CCDC171: variants seen among roughly 807,000 people sequenced by gnomAD.
The protein encoded by CCDC171 is coiled-coil domain-containing protein 171.
Under a neutral mutation model 168.2 loss-of-function variants are expected in CCDC171, and 177 were observed. That is an observed-to-expected ratio of 1.05 (90% CI 0.93 to 1.19). CCDC171 has a LOEUF of 1.19. CCDC171 is among the 50% of genes most tolerant of loss of function. The pLI is 0.00. For synonymous variants in CCDC171, 687 were observed against 540.8 expected (o/e 1.27, Z -3.75); for missense variants, 1,991 against 1,539.0 (o/e 1.29, Z -4.91).
intron 24 of CCDC171, among the ~76,000 whole-genome samples, chr9:15,912,262 C>T (rs551438673): frequency 1.3e-4 from 20 of 152,192 alleles, no homozygotes; most frequent in Non-Finnish European, 2.8e-4. Flanking sequence ...AGAGGTCCTT[C>T]ACATCCTTGT....
chr9:15,758,013 G>A (rs933786135), intron 18 of CCDC171, among the ~76,000 whole-genome samples: 3 of 152,182 alleles, frequency 2.0e-5, no homozygotes, highest in Non-Finnish European at 4.4e-5. Flanking sequence ...TGCTAGGGTG[G>A]TGTGGAAGGG....
chr9:15,829,114 G>A (rs1335015807), intron 21 of CCDC171, among the ~76,000 whole-genome samples: 1 of 152,174 alleles, frequency 6.6e-6, no homozygotes, highest in African/African-American at 2.4e-5. Context: ...GCAACCTATA[G>A]TATAGACACC....
intron 2 of CCDC171, among the ~76,000 whole-genome samples, chr9:15,566,503 G>C (rs895830722): frequency 6.6e-6 from 1 of 152,220 alleles, no homozygotes; most frequent in African/African-American, 2.4e-5. Flanking sequence ...AGATTGCAGT[G>C]AGCCTAGATC....
chr9:15,991,658 A>T (rs1003035330), intron 3 of CCDC171, among the ~76,000 whole-genome samples: 2 of 152,206 alleles, frequency 1.3e-5, no homozygotes, highest in Non-Finnish European at 2.9e-5. Flanking sequence ...TTTTGAAAAG[A>T]TCAACAAAAT....
At chr9:16,069,415 G>A in the CCDC171 span, among the ~76,000 whole-genome samples, 1 of 152,360 alleles carries the variant, frequency 6.6e-6, no homozygotes, top group East Asian at 1.9e-4. Context: ...GTGTGCATGT[G>A]CATGTGCGTG....
At chr9:15,696,304 C>G (rs565137864) in intron 11 of CCDC171, among the ~76,000 whole-genome samples, 4 of 152,170 alleles carry the variant, frequency 2.6e-5, no homozygotes, top group African/African-American at 9.6e-5. Flanking sequence ...CTGTAGATTT[C>G]TCAGTTGGTA....
chr9:15,794,375 GA>G (rs1340591828), intron 21 of CCDC171, among the ~76,000 whole-genome samples: 1 of 152,088 alleles, frequency 6.6e-6, no homozygotes, highest in Admixed American at 6.6e-5. Flanking sequence ...TGAGGCAGGA[GA>G]ATCACTTGAA....
At chr9:15,677,975 T>C (rs2049756264) in intron 9 of CCDC171, among the ~76,000 whole-genome samples, 1 of 131,026 alleles carries the variant, frequency 7.6e-6, no homozygotes, top group African/African-American at 2.9e-5. Flanking sequence ...AGTGGCACAA[T>C]CATAGCTCAC....
At chr9:16,082,983 A>G in the CCDC171 span, among the ~76,000 whole-genome samples, 2 of 152,176 alleles carry the variant, frequency 1.3e-5, no homozygotes, top group East Asian at 3.8e-4. Flanking sequence ...ATTTGTGACT[A>G]AGTGTGTGTA....
chr9:15,807,319 A>T (rs2059126138), intron 21 of CCDC171, among the ~76,000 whole-genome samples: 1 of 152,236 alleles, frequency 6.6e-6, no homozygotes, highest in Non-Finnish European at 1.5e-5. Flanking sequence ...GAGTTCTTGC[A>T]TTGGCTCTTG....
the CCDC171 span, among the ~76,000 whole-genome samples, chr9:16,069,713 A>G: frequency 6.6e-6 from 1 of 152,204 alleles, no homozygotes; most frequent in South Asian, 2.1e-4. Context: ...AACCTCTGGA[A>G]CACTATTCCC....
chr9:15,667,581 G>A (rs2048823447), intron 9 of CCDC171, among the ~76,000 whole-genome samples: 1 of 152,162 alleles, frequency 6.6e-6, no homozygotes, highest in African/African-American at 2.4e-5. Context: ...GGGAGGCAGA[G>A]GTTGCAGTGA....
chr9:15,592,130 A>AT (rs1020358654), intron 5 of CCDC171, among the ~76,000 whole-genome samples: 1 of 149,814 alleles, frequency 6.7e-6, no homozygotes, highest in East Asian at 1.9e-4. Context: ...TATATTTGCC[A>AT]TTTTTTTTGA....
At chr9:15,915,941 C>T (rs911266131) in intron 24 of CCDC171, among the ~76,000 whole-genome samples, 1 of 152,032 alleles carries the variant, frequency 6.6e-6, no homozygotes, top group Admixed American at 6.6e-5. Flanking sequence ...TTGAACCATC[C>T]TTGCATTCCT....
At chr9:15,593,983 A>T (rs190862143) in intron 5 of CCDC171, 58 bp from the exon 6 acceptor site, 4 of 1,183,980 alleles carry the variant, frequency 3.4e-6, no homozygotes, top group Admixed American at 4.5e-5. Context: ...TAAACTGGGG[A>T]TGAAGGAAGA....
At chr9:16,081,686 G>C in the CCDC171 span, among the ~76,000 whole-genome samples, 1 of 151,910 alleles carries the variant, frequency 6.6e-6, no homozygotes, top group Non-Finnish European at 1.5e-5. Flanking sequence ...CACCTCTGTG[G>C]GTCTAACACA....
intron 6 of CCDC171, among the ~76,000 whole-genome samples, chr9:15,615,266 T>C (rs906696959): frequency 4.6e-5 from 7 of 152,192 alleles, no homozygotes; most frequent in African/African-American, 1.7e-4. Context: ...TAATGTAATA[T>C]AACTTTTCTT....
At chr9:15,836,966 C>T (rs2060479898) in intron 21 of CCDC171, among the ~76,000 whole-genome samples, 2 of 152,266 alleles carry the variant, frequency 1.3e-5, no homozygotes, top group South Asian at 4.2e-4. Flanking sequence ...AATCTTCTTT[C>T]TAGTTAGCCA....
chr9:16,012,102 T>C lies in CCDC171; in HGVS notation n.369-8487T>C, dbSNP rs181563131. Among the ~76,000 whole-genome samples the C allele has an allele frequency of 3.9e-5, 6 of 152,316 alleles. No individual in the cohort carries two copies. In the East Asian group the frequency reaches 7.7e-4, roughly 20 times the overall value. On this transcript the variant is annotated intron_variant and non_coding_transcript_variant, in intron 3 of 9. Transcript: ENST00000486641. ...TCTCTTCTGAAGGTTAGGGTGAACATAGGAGATAAGTAAATTCTGGCTAAC... is the reference window on the plus strand; with the variant it reads ...TCTCTTCTGAAGGTTAGGGTGAACACAGGAGATAAGTAAATTCTGGCTAAC...
Sources: gnomAD v4.1 joint callset for allele counts (sites outside exome capture counted in the v4.1 genomes callset) on GRCh38, gnomAD v4.1.1 for gene constraint, MANE v1.5 for transcripts, NCBI Gene and HGNC (gene_info 2026-07-23, HGNC 2026-07-21) for gene names.